The following FGD6 variants were observed in gnomAD, a reference collection of about 807,000 sequenced individuals.
FGD6 encodes FYVE, RhoGEF and PH domain containing 6.
FGD6 carries 90 observed loss-of-function variants against 149.4 expected under a neutral mutation model. The ratio of observed to expected loss-of-function variants is 0.60; its 90% confidence interval spans 0.51 to 0.72. The LOEUF is 0.72. Among genes scored for constraint, FGD6 ranks in the 30% least tolerant of loss-of-function variants. The pLI is 0.00. For synonymous variants in FGD6, 527 were observed against 584.0 expected, an observed-to-expected ratio of 0.90 and a Z score of 1.41; for missense variants, 1,437 against 1,684.8, an observed-to-expected ratio of 0.85 and a Z score of 2.57.
At chr12:95,168,953 C>T (rs964769376) in intron 3 of FGD6, among the ~76,000 whole-genome samples, 4 of 152,220 alleles carry the variant, frequency 2.6e-5, no homozygotes, top group Non-Finnish European at 5.9e-5. Flanking sequence ...GAAGGGCATT[C>T]ACCAGGCTGT....
At position 95,080,885 on chromosome 12, in the gene FGD6, A is replaced by G. The variant is rs1439785758; in HGVS notation, c.*635T>C. On this transcript the variant is annotated 3_prime_UTR_variant, in exon 21 of 21. Coordinates refer to ENST00000343958, the MANE Select transcript of FGD6 (RefSeq NM_018351.4). Reference sequence around the variant, plus strand: ...AAAATTCAGATTCTATCTCTTTGCTATAATTCTTTGATGATGTAATATTAA... The same window carrying G: ...AAAATTCAGATTCTATCTCTTTGCTGTAATTCTTTGATGATGTAATATTAA... The G allele has an allele frequency of 6.6e-6, 1 of 152,192 alleles. No individual in the cohort carries two copies. The highest frequency in any genetic ancestry group is 1.5e-5 in the Non-Finnish European group (1 of 68,030). The allele number at this position is 152,192 out of a possible 1,614,324, so 9.4% of individuals were successfully genotyped here. A position where few individuals can be genotyped will look rare whatever the true frequency, so the allele number is the denominator to read the frequency against.
chr12:95,126,123 A>G lies in FGD6; in HGVS notation c.3082+8616T>C, dbSNP rs1879331424. 5 of 1,033,256 alleles carry G rather than the reference A, an allele frequency of 4.8e-6. No individual in the cohort carries two copies. In the Admixed American group the frequency reaches 8.6e-5, roughly 18 times the overall value. 64.0% of individuals were successfully genotyped at this position (1,033,256 alleles called of 1,614,324 possible). A position where few individuals can be genotyped will look rare whatever the true frequency, so the allele number is the denominator to read the frequency against. ...GAAGGCAAAGAAAATGAGGGACAGA[A>G]TAATCAAGAATGAAGTTAACAAGCT... On this transcript the variant is annotated intron_variant, in intron 8 of 20. Transcript: ENST00000343958.
rs1349811886 is a variant in FGD6, at chr12:95,076,932, A to G, written c.*4588T>C. 1 of 152,070 alleles carries G rather than the reference A, an allele frequency of 6.6e-6. No homozygotes were observed. The highest frequency in any genetic ancestry group is 1.5e-5 in the Non-Finnish European group (1 of 68,018). The allele number at this position is 152,070 out of a possible 1,614,324, so 9.4% of individuals were successfully genotyped here. ...ACGATATTTCAAGATTGGTTCTTAC[A>G]TGCTATGACCAACTCATATGAAAGA... is the stretch of plus-strand genomic sequence containing the variant. On this transcript the variant is annotated 3_prime_UTR_variant, in exon 21 of 21. Transcript: ENST00000343958.
chr12:95,162,296 G>A (rs1188236163), intron 3 of FGD6, among the ~76,000 whole-genome samples: 1 of 152,048 alleles, frequency 6.6e-6, no homozygotes, highest in Non-Finnish European at 1.5e-5. Context: ...GCTGAGACAG[G>A]TGGATCACTT....
At chr12:95,159,542 T>G (rs1013519480) in intron 3 of FGD6, among the ~76,000 whole-genome samples, 1 of 152,164 alleles carries the variant, frequency 6.6e-6, no homozygotes, top group Non-Finnish European at 1.5e-5. Flanking sequence ...TAGAATACAT[T>G]AAGAACTCTG....
intron 8 of FGD6, among the ~76,000 whole-genome samples, chr12:95,124,601 C>T (rs1879284575): frequency 6.6e-6 from 1 of 152,102 alleles, no homozygotes; most frequent in Non-Finnish European, 1.5e-5. Context: ...CAATTGGTTA[C>T]TTGCAGGAAA....
chr12:95,141,264 C>A, intron 6 of FGD6, 124 bp downstream of exon 6: 3 of 1,033,232 alleles, frequency 2.9e-6, no homozygotes, highest in Non-Finnish European at 4.2e-6. Context: ...CTATGGATAA[C>A]TGCAAAGACA....
chr12:95,116,161 C>T (rs1283132777), intron 8 of FGD6, among the ~76,000 whole-genome samples: 1 of 152,152 alleles, frequency 6.6e-6, no homozygotes, highest in Non-Finnish European at 1.5e-5. Flanking sequence ...CTCACTCTGA[C>T]CCCACTCAGA....
At chr12:95,082,677 C>T (rs1295670311) in intron 20 of FGD6, among the ~76,000 whole-genome samples, 1 of 137,182 alleles carries the variant, frequency 7.3e-6, no homozygotes, top group East Asian at 2.2e-4. Flanking sequence ...AAAAAAAGAG[C>T]TTCTCAAAGT....
In FGD6 at chr12:95,172,599, C is replaced by A. The variant is rs1432934581; in HGVS notation, c.2586+1G>T. 1 of 1,602,768 alleles carries A rather than the reference C, an allele frequency of 6.2e-7. No homozygotes were observed. Among genetic ancestry groups the A allele is most frequent in the South Asian group, 1.1e-5 (1 of 88,666 alleles). ...AGAAGCAATTAAGTACCAAAGTATACCTGTTTATCTTCCAGTGGGTCAGGC... is the reference window on the plus strand; with the variant it reads ...AGAAGCAATTAAGTACCAAAGTATAACTGTTTATCTTCCAGTGGGTCAGGC... On this transcript the variant is annotated splice_donor_variant, in intron 3 of 20. Coordinates refer to ENST00000343958, the MANE Select transcript of FGD6 (RefSeq NM_018351.4). LOFTEE classifies it high-confidence loss of function.
At chr12:95,202,805 C>T (rs1296279550) in intron 2 of FGD6, among the ~76,000 whole-genome samples, 2 of 152,150 alleles carry the variant, frequency 1.3e-5, no homozygotes, top group East Asian at 1.9e-4. Flanking sequence ...ACAGATTTGC[C>T]AGAACTGTGT....
At position 95,105,064 on chromosome 12, in the gene FGD6, G is replaced by A; in HGVS notation, c.3440C>T (p.Ala1147Val). Reference protein sequence around the residue: ...GMKVRKPTQEAYQNELKIESV... With the variant: ...GMKVRKPTQEVYQNELKIESV... ...TTCAATCTTTAATTCATTCTGATAG[G>A]CTTCTTGGGTAGGTTTTCTGACCTG... is the stretch of plus-strand genomic sequence containing the variant. The change falls in exon 14 of 21, where the codon GCC becomes GTC. Residue 1147 changes from alanine to valine, a missense_variant. Physicochemically the swap from Ala to Val is moderately conservative, Grantham distance 64. This residue lies in a region of FGD6 where 382 missense variants were observed against 538.7 expected (regional missense o/e 0.71). Coordinates refer to ENST00000343958, the MANE Select transcript of FGD6 (RefSeq NM_018351.4). 1 of 1,610,698 alleles carries A rather than the reference G, an allele frequency of 6.2e-7. No homozygotes were observed. The highest frequency in any genetic ancestry group is 1.1e-5 in the South Asian group (1 of 90,032).
rs63204961 is a variant in FGD6 at position 95,098,867 on chromosome 12, A to ATTTT, written c.3498-4177_3498-4174dup. ...GCTCAGTGAAGGAAGGGCCCTTTTA[A>ATTTT]TTTTTTTTTTTTTTTTTTTTGAGAC... On this transcript the variant is annotated intron_variant, in intron 14 of 20. Transcript: ENST00000343958. Among the ~76,000 whole-genome samples the ATTTT allele has an allele frequency of 2.3e-3, 291 of 126,718 alleles. 9 individuals carry two copies. The highest frequency in any genetic ancestry group is 4.3e-3 in the Middle Eastern group (1 of 232). The allele number at this position is 126,718 out of a possible 152,430, so 83.1% of individuals were successfully genotyped here. A position where few individuals can be genotyped will look rare whatever the true frequency, so the allele number is the denominator to read the frequency against.
intron 18 of FGD6, among the ~76,000 whole-genome samples, chr12:95,088,136 A>T (rs1223379837): frequency 6.6e-6 from 1 of 152,226 alleles, no homozygotes; most frequent in Admixed American, 6.5e-5. Context: ...AGCCATGACT[A>T]GACCTATATT....
At chr12:95,122,216 T>C (rs1468088637) in intron 8 of FGD6, among the ~76,000 whole-genome samples, 2 of 152,198 alleles carry the variant, frequency 1.3e-5, no homozygotes, top group African/African-American at 4.8e-5. Context: ...GAATATGTAA[T>C]GTCATGAATA....
chr12:95,097,383 C>T (rs1878268767), intron 14 of FGD6, among the ~76,000 whole-genome samples: 1 of 152,060 alleles, frequency 6.6e-6, no homozygotes, highest in African/African-American at 2.4e-5. Flanking sequence ...TGCCCGTAAT[C>T]CCAGCACTTT....
intron 2 of FGD6, among the ~76,000 whole-genome samples, chr12:95,187,292 C>T (rs1178360203): frequency 4.1e-5 from 6 of 147,990 alleles, no homozygotes; most frequent in Non-Finnish European, 7.4e-5. Context: ...GATCGTGCCA[C>T]TGCACTCCAG....
At chr12:95,131,108 G>GT (rs59897965) in intron 8 of FGD6, among the ~76,000 whole-genome samples, 4,607 of 128,218 alleles carry the variant, frequency 0.036, 118 homozygotes, top group Non-Finnish European at 0.042. Context: ...TGGCTAAAGA[G>GT]TTTTTTTTTT....
At chr12:95,168,327 T>C (rs1185145805) in intron 3 of FGD6, among the ~76,000 whole-genome samples, 1 of 152,182 alleles carries the variant, frequency 6.6e-6, no homozygotes, top group African/African-American at 2.4e-5. Context: ...ACAGAAAGCT[T>C]GATTTGAGAT....
Sources: gnomAD v4.1 joint callset for allele counts (sites outside exome capture counted in the v4.1 genomes callset) on GRCh38, gnomAD v4.1.1 for gene constraint, gnomAD v4.1.1 regional missense constraint, MANE v1.5 for transcripts, NCBI Gene and HGNC (gene_info 2026-07-23, HGNC 2026-07-21) for gene names.